Variants in SBK2 observed in about 807,000 individuals in gnomAD.
The protein encoded by SBK2 is SH3 domain binding kinase family member 2.
SBK2 carries 18 observed loss-of-function variants against 15.9 expected under a neutral mutation model. The observed-to-expected ratio is 1.13, with a 90% confidence interval of 0.78 to 1.68. The LOEUF is 1.68. Among genes scored for constraint, SBK2 ranks in the 40% most tolerant of loss-of-function variants. The pLI is 0.00. For missense variants in SBK2, 581 were observed against 510.9 expected, an observed-to-expected ratio of 1.14 and a Z score of -1.32; for synonymous variants, 284 against 246.8, an observed-to-expected ratio of 1.15 and a Z score of -1.41.
At chr19:55,530,999 G>C in intron 3 of SBK2, 144 bp downstream of exon 3, 1 of 693,662 alleles carries the variant, frequency 1.4e-6, no homozygotes, top group South Asian at 1.8e-5. Flanking sequence ...CGAGTCCTGT[G>C]GGCCCCACGA....
At position 55,531,246 on chromosome 19, in the gene SBK2, G is replaced by C; in HGVS notation, c.353C>G (p.Ala118Gly). The C allele has an allele frequency of 6.2e-7, 1 of 1,613,510 alleles. No homozygotes were observed. The highest frequency in any genetic ancestry group is 8.5e-7 in the Non-Finnish European group (1 of 1,179,858). ...CVGLSLGAHS[A>G]IVTAYGIGIE... is the part of the protein sequence containing the mutation. Reference sequence around the variant, plus strand: ...GCCAATGCCGTAGGCCGTCACGATGGCTGAGTGCGCGCCCAGCGAGAGCCC... The same window carrying C: ...GCCAATGCCGTAGGCCGTCACGATGCCTGAGTGCGCGCCCAGCGAGAGCCC... The change falls in exon 3 of 4, where the codon GCC becomes GGC. Residue 118 changes from alanine to glycine, a missense_variant. By Grantham distance (60) the Ala-to-Gly change is moderately conservative (BLOSUM62 0). Coordinates refer to ENST00000413299, the MANE Select transcript of SBK2 (RefSeq NM_001370096.2).
chr19:55,529,041 C>T lies in SBK2; in HGVS notation c.*692G>A, dbSNP rs933364788. 6.6e-6 allele frequency among the ~76,000 whole-genome samples: 1 copy of T among 152,178 alleles called. No individual in the cohort carries two copies. Among genetic ancestry groups the T allele is most frequent in the Admixed American group, 6.5e-5 (1 of 15,272 alleles). ...CCGAGGTGGGAGACTCGCTCCAGGCCAGGAATTTGAGACTAGCCTGAGCAA... is the reference window on the plus strand; with the variant it reads ...CCGAGGTGGGAGACTCGCTCCAGGCTAGGAATTTGAGACTAGCCTGAGCAA... On this transcript the variant is annotated 3_prime_UTR_variant, in exon 4 of 4. Transcript: ENST00000413299.
chr19:55,531,108 G>C (rs751158407), intron 3 of SBK2, 35 bp downstream of exon 3: 23 of 1,584,566 alleles, frequency 1.5e-5, no homozygotes, highest in Non-Finnish European at 1.8e-5. Context: ...AGGCCGGTGA[G>C]GCACTCGGAG....
At chr19:55,532,335 G>T (rs1988291005) in intron 2 of SBK2, among the ~76,000 whole-genome samples, 1 of 112,440 alleles carries the variant, frequency 8.9e-6, no homozygotes, top group African/African-American at 3.5e-5. Flanking sequence ...GCAGTTTCAC[G>T]CTTGTTGTCC....
At chr19:55,535,358 C>G (rs946501787) in intron 2 of SBK2, among the ~76,000 whole-genome samples, 1 of 152,208 alleles carries the variant, frequency 6.6e-6, no homozygotes, top group African/African-American at 2.4e-5. Context: ...AAGTGCTTAG[C>G]AGACAGCATC....
chr19:55,529,818 A>G lies in SBK2; in HGVS notation c.962T>C (p.Ile321Thr). 1 of 1,604,470 alleles carries G rather than the reference A, an allele frequency of 6.2e-7. No individual in the cohort carries two copies. Among genetic ancestry groups the G allele is most frequent in the Non-Finnish European group, 8.5e-7 (1 of 1,179,546 alleles). The change falls in exon 4 of 4, where the codon ATC becomes ACC. Residue 321 changes from isoleucine (I) to threonine (T), a missense_variant. Transcript: ENST00000413299. ...CCAGGGGCGCCCCAGGTGCTCCCTG[A>G]TGGCGATCACAGCGCTCCTCCTTCG... Reference protein sequence around the residue: ...HPRRRSAVIAIREHLGRPWRQ... With the variant: ...HPRRRSAVIATREHLGRPWRQ...
rs1400486815 is a variant in SBK2 at position 55,530,180 on chromosome 19, C to T, written c.600G>A (p.Lys200=). The change falls in exon 4 of 4, where the codon AAG becomes AAA. Residue 200 remains lysine (K), a synonymous_variant. Coordinates refer to ENST00000413299, the MANE Select transcript of SBK2 (RefSeq NM_001370096.2). ...LVCDPACRRF[K]LTDFGHTRPR... is the part of the protein sequence containing the mutation. ...GCCTCGTGTGGCCGAAGTCGGTCAG[C>T]TTGAAGCGCCGGCAGGCCGGGTCGC... 6.5e-7 allele frequency: 1 copy of T among 1,531,192 alleles called. No homozygotes were observed. Among genetic ancestry groups the T allele is most frequent in the East Asian group, 2.5e-5 (1 of 39,694 alleles). The allele number at this position is 1,531,192 out of a possible 1,614,324, so 94.9% of individuals were successfully genotyped here.
At chr19:55,535,980 AC>A in intron 2 of SBK2, 61 bp downstream of exon 2, 1 of 1,390,228 alleles carries the variant, frequency 7.2e-7, no homozygotes, top group African/African-American at 1.5e-5. Context: ...AGCCTGGGCT[AC>A]CCCAGGCCCG....
At chr19:55,534,513 C>CAGTTTTTT in intron 2 of SBK2, among the ~76,000 whole-genome samples, 1 of 145,458 alleles carries the variant, frequency 6.9e-6, no homozygotes, top group East Asian at 2.1e-4. Flanking sequence ...TGAGACCAGC[C>CAGTTTTTT]TGGGCAACAC....
chr19:55,536,333 C>G (rs1988403409), intron 1 of SBK2, 37 bp from the exon 2 acceptor site: 2 of 1,404,048 alleles, frequency 1.4e-6, no homozygotes, highest in Non-Finnish European at 1.8e-6. Flanking sequence ...GCTCAGGTCC[C>G]AGGCCCAAGG....
At chr19:55,536,724 G>C (rs1015090997) in intron 1 of SBK2, among the ~76,000 whole-genome samples, 6 of 151,942 alleles carry the variant, frequency 3.9e-5, no homozygotes, top group Non-Finnish European at 8.8e-5. Flanking sequence ...CTTGGGATCA[G>C]TCCCCAAGCT....
rs1216053388 is a variant in SBK2, at chr19:55,529,038, G to T, written c.*695C>A. 6.6e-6 allele frequency among the ~76,000 whole-genome samples: 1 copy of T among 152,186 alleles called. No homozygotes were observed. The highest frequency in any genetic ancestry group is 2.4e-5 in the African/African-American group (1 of 41,446). On this transcript the variant is annotated 3_prime_UTR_variant, in exon 4 of 4. Transcript: ENST00000413299. ...AGGCCGAGGTGGGAGACTCGCTCCA[G>T]GCCAGGAATTTGAGACTAGCCTGAG...
intron 3 of SBK2, among the ~76,000 whole-genome samples, chr19:55,530,751 T>G (rs1338650778): frequency 2.4e-4 from 1 of 4,148 alleles, no homozygotes; most frequent in African/African-American, 3.5e-4. Flanking sequence ...TGTGGCTTAG[T>G]GTGACCCGTG....
intron 2 of SBK2, among the ~76,000 whole-genome samples, chr19:55,534,716 A>AAG (rs1555770634): frequency 1.4e-5 from 2 of 144,774 alleles, no homozygotes; most frequent in African/African-American, 2.6e-5. Context: ...AAAAAAAAAA[A>AAG]AAAAGAAAAA....
At position 55,529,745 on chromosome 19, in the gene SBK2, C is replaced by T. The variant is rs761760033; in HGVS notation, c.1035G>A (p.Glu345=). 6.2e-7 allele frequency: 1 copy of T among 1,601,052 alleles called. No individual in the cohort carries two copies. The highest frequency in any genetic ancestry group is 8.5e-7 in the Non-Finnish European group (1 of 1,179,546). The change falls in exon 4 of 4, where the codon GAG becomes GAA. Residue 345 remains glutamate (E), a synonymous_variant. Transcript: ENST00000413299. ...CCCCGGGGCCTCCTCACTGCCCAGC[C>T]TCCTCTTCCACCGCTCCCACTGCCT... ...EAEAVGAVEE[E]AGQ
rs1485177157 is a variant in SBK2 at position 55,528,654 on chromosome 19, GA to G, written c.*1078del. 6.6e-6 allele frequency among the ~76,000 whole-genome samples: 1 copy of G among 152,194 alleles called. No individual in the cohort carries two copies. Among genetic ancestry groups the G allele is most frequent in the East Asian group, 1.9e-4 (1 of 5,190 alleles). On this transcript the variant is annotated 3_prime_UTR_variant, in exon 4 of 4. Transcript: ENST00000413299. ...TTTATTTGCAGAGTGGCTGGGGCGA[GA>G]GAAGGCAAAACACATCACAGAGAGG...
rs1389500096 is a variant in SBK2, at chr19:55,528,750, G to A, written c.*983C>T. 2.0e-5 allele frequency among the ~76,000 whole-genome samples: 3 copies of A among 152,146 alleles called. No individual in the cohort carries two copies. The highest frequency in any genetic ancestry group is 7.2e-5 in the African/African-American group (3 of 41,420). On this transcript the variant is annotated 3_prime_UTR_variant, in exon 4 of 4. Coordinates refer to ENST00000413299, the MANE Select transcript of SBK2 (RefSeq NM_001370096.2). ...GGACGGCGGGAGGACAGGGACGGAGGGGAGGCTGCGCCACACCAGACAGGC... is the reference window on the plus strand; with the variant it reads ...GGACGGCGGGAGGACAGGGACGGAGAGGAGGCTGCGCCACACCAGACAGGC...
rs777885093 is a variant in SBK2 at position 55,531,213 on chromosome 19, G to C, written c.386C>G (p.Ser129Trp). 3 of 1,613,152 alleles carry C rather than the reference G, an allele frequency of 1.9e-6. No homozygotes were observed. Among genetic ancestry groups the C allele is most frequent in the Non-Finnish European group, 2.5e-6 (3 of 1,179,552 alleles). ...IVTAYGIGIE[S>W]AHSYSFLTEP... Reference sequence around the variant, plus strand: ...CGTCAGGAAGCTGTAGGAGTGTGCCGACTCGATGCCAATGCCGTAGGCCGT... The same window carrying C: ...CGTCAGGAAGCTGTAGGAGTGTGCCCACTCGATGCCAATGCCGTAGGCCGT... Residue 129 changes from serine to tryptophan, a missense_variant, in exon 3 of 4, where the codon TCG becomes TGG. By Grantham distance (177) the Ser-to-Trp change is radical. Coordinates refer to ENST00000413299, the MANE Select transcript of SBK2 (RefSeq NM_001370096.2).
chr19:55,531,199 T>C lies in SBK2; in HGVS notation c.400A>G (p.Ser134Gly). 6.2e-7 allele frequency: 1 copy of C among 1,613,306 alleles called. No homozygotes were observed. Among genetic ancestry groups the C allele is most frequent in the Non-Finnish European group, 8.5e-7 (1 of 1,179,924 alleles). ...GIGIESAHSY[S>G]FLTEPVLHGD... Reference sequence around the variant, plus strand: ...TGCAGGACGGGCTCCGTCAGGAAGCTGTAGGAGTGTGCCGACTCGATGCCA... The same window carrying C: ...TGCAGGACGGGCTCCGTCAGGAAGCCGTAGGAGTGTGCCGACTCGATGCCA... Residue 134 changes from serine (S) to glycine (G), a missense_variant, in exon 3 of 4, where the codon AGC (serine) becomes GGC (glycine). Physicochemically the swap from Ser to Gly is moderately conservative, Grantham distance 56. Transcript: ENST00000413299.
Sources: gnomAD v4.1 joint callset for allele counts (sites outside exome capture counted in the v4.1 genomes callset) on GRCh38, gnomAD v4.1.1 for gene constraint, MANE v1.5 for transcripts, NCBI Gene and HGNC (gene_info 2026-07-23, HGNC 2026-07-21) for gene names.